The following TSPAN4 variants were observed in gnomAD, a reference collection of about 807,000 sequenced individuals.
TSPAN4 encodes tetraspanin-4.
TSPAN4 carries 38 observed loss-of-function variants against 31.5 expected under a neutral mutation model. That is an observed-to-expected ratio of 1.21 (90% CI 0.93 to 1.58). TSPAN4 has a LOEUF of 1.58. TSPAN4 is among the 40% of genes most tolerant of loss of function. The pLI is 0.00. For synonymous variants in TSPAN4, 186 were observed against 144.6 expected (o/e 1.29, Z -2.06); for missense variants, 330 against 317.3 (o/e 1.04, Z -0.30).
chr11:857,361 G>A (rs114696310), intron 3 of TSPAN4: 2,095 of 149,866 alleles, frequency 0.014, 35 homozygotes, highest in African/African-American at 0.042. Context: ...AGAGGTCTGC[G>A]TCCTTGGAAG....
intron 1 of TSPAN4, among the ~76,000 whole-genome samples, chr11:846,529 G>A (rs1216266048): frequency 6.6e-6 from 1 of 152,324 alleles, no homozygotes; most frequent in Admixed American, 6.5e-5. Flanking sequence ...AGCCAGCAGG[G>A]CAGGGAGTAG....
In TSPAN4 at chr11:853,494, C is replaced by T. The variant is rs528922809; in HGVS notation, c.63+3127C>T. 2.6e-5 allele frequency among the ~76,000 whole-genome samples: 4 copies of T among 152,180 alleles called. No homozygotes were observed. In the South Asian group the frequency reaches 8.3e-4, roughly 32 times the overall value. ...GAAGGCTGATTGACGTATTTCTTTA[C>T]AGCGTTGGTTCGGATTTCCCAGGCA... On this transcript the variant is annotated intron_variant, in intron 3 of 8. Transcript: ENST00000397397.
intron 4 of TSPAN4, 53 bp from the exon 5 acceptor site, chr11:864,384 G>A: frequency 6.2e-7 from 1 of 1,602,860 alleles, no homozygotes; most frequent in Non-Finnish European, 8.5e-7. Flanking sequence ...CATGCTGTGG[G>A]GCGGAGGCTG....
intron 3 of TSPAN4, among the ~76,000 whole-genome samples, chr11:862,101 TG>T (rs1160952873): frequency 6.6e-6 from 1 of 152,164 alleles, no homozygotes; most frequent in East Asian, 1.9e-4. Flanking sequence ...AGGGCAGGGC[TG>T]GGTCTCCCTG....
rs142273247 is a variant in TSPAN4 at position 862,714 on chromosome 11, C to A, written c.228C>A (p.Ile76=). 81 of 1,612,438 alleles carry A rather than the reference C, an allele frequency of 5.0e-5. No homozygotes were observed. In the African/African-American group the frequency reaches 8.4e-4, roughly 17 times the overall value. The part of the protein sequence containing the change: ...AIGFVGCLGA[I]KENKCLLLTF... ...GCTTCGTGGGCTGCCTGGGTGCCAT[C>A]AAGGAGAACAAGTGCCTCCTGCTCA... The change falls in exon 4 of 9, where the codon ATC becomes ATA. Residue 76 remains isoleucine, a synonymous_variant. Coordinates refer to ENST00000397397, the MANE Select transcript of TSPAN4 (RefSeq NM_003271.5).
chr11:865,242 T>A, intron 5 of TSPAN4: 1 of 485,642 alleles, frequency 2.1e-6, no homozygotes, highest in Non-Finnish European at 3.7e-6. Flanking sequence ...CGTGTCCCGA[T>A]ACGTGGAGGC....
chr11:864,611 T>C (rs972207857), intron 5 of TSPAN4, 100 bp downstream of exon 5: 7 of 1,499,742 alleles, frequency 4.7e-6, no homozygotes, highest in Non-Finnish European at 6.4e-6. Context: ...TGGCCCTGCA[T>C]GTGCCCTCAC....
At chr11:852,117 C>T (rs547077147) in intron 3 of TSPAN4, among the ~76,000 whole-genome samples, 1 of 152,236 alleles carries the variant, frequency 6.6e-6, no homozygotes, top group African/African-American at 2.4e-5. Context: ...CTGGAAAATG[C>T]AATTCTCTCT....
Position 865,591 on chromosome 11 carries a change from G to GCCTGGAGCATCATCCAGA in TSPAN4, c.412_429dup (p.Trp138_Thr143dup). The GCCTGGAGCATCATCCAGA allele has an allele frequency of 6.2e-7, 1 of 1,612,918 alleles. No homozygotes were observed. Among genetic ancestry groups the GCCTGGAGCATCATCCAGA allele is most frequent in the Non-Finnish European group, 8.5e-7 (1 of 1,179,904 alleles). On this transcript the variant is annotated inframe_insertion, in exon 6 of 9. Coordinates refer to ENST00000397397, the MANE Select transcript of TSPAN4 (RefSeq NM_003271.5). ...GCAGGGCAACGTGGGCCTCACCAAC[G>GCCTGGAGCATCATCCAGA]CCTGGAGCATCATCCAGACCGACGT...
At position 865,780 on chromosome 11, in the gene TSPAN4, C is replaced by T. The variant is rs760821158; in HGVS notation, c.519C>T (p.Phe173=). 1 of 1,612,706 alleles carries T rather than the reference C, an allele frequency of 6.2e-7. No homozygotes were observed. The highest frequency in any genetic ancestry group is 8.5e-7 in the Non-Finnish European group (1 of 1,179,728). The stretch of plus-strand genomic sequence containing the variant: ...TACCTGACTCCTGCTGCTTGGAGTT[C>T]AGTGAGAGCTGTGGGCTGCACGCCC... The part of the protein sequence containing the change: ...TRVPDSCCLE[F]SESCGLHAPG... The change falls in exon 7 of 9, where the codon TTC becomes TTT. Residue 173 remains phenylalanine, a synonymous_variant. Transcript: ENST00000397397.
chr11:845,981 G>A (rs1847300934), intron 1 of TSPAN4, among the ~76,000 whole-genome samples: 1 of 152,212 alleles, frequency 6.6e-6, no homozygotes. Context: ...CAGGGTGAGG[G>A]CTTGGGACGG....
intron 5 of TSPAN4, 60 bp from the exon 6 acceptor site, chr11:865,453 C>T: frequency 7.0e-7 from 1 of 1,420,844 alleles, no homozygotes; most frequent in Non-Finnish European, 9.8e-7. Context: ...GCGAGGGGGT[C>T]TGGATGAGGG....
At chr11:850,078 CG>C in intron 2 of TSPAN4, 1 of 405,586 alleles carries the variant, frequency 2.5e-6, no homozygotes, top group Non-Finnish European at 4.4e-6. Flanking sequence ...AGCCCCTCTC[CG>C]GAGGGCAAGG....
At chr11:865,417 G>A (rs772340983) in intron 5 of TSPAN4, 96 bp from the exon 6 acceptor site, 14 of 953,390 alleles carry the variant, frequency 1.5e-5, no homozygotes, top group South Asian at 9.1e-5. Flanking sequence ...AAGACCAGGC[G>A]CAGGAGGGGC....
In TSPAN4 at chr11:845,916, C is replaced by T. The variant is rs148594431; in HGVS notation, c.-117-1285C>T. On this transcript the variant is annotated intron_variant, in intron 1 of 8. Transcript: ENST00000397397. ...TCCCACCCAGACTCTGTATGTAGCCCCCAGTCCCTGCTCCTCTGTGTGCAT... is the reference window on the plus strand; with the variant it reads ...TCCCACCCAGACTCTGTATGTAGCCTCCAGTCCCTGCTCCTCTGTGTGCAT... 3.4e-3 allele frequency among the ~76,000 whole-genome samples: 518 copies of T among 152,270 alleles called. 1 individual carries two copies. Among genetic ancestry groups the T allele is most frequent in the Non-Finnish European group, 6.2e-3 (424 of 68,002 alleles).
intron 3 of TSPAN4, among the ~76,000 whole-genome samples, chr11:860,009 G>C (rs774637941): frequency 6.6e-6 from 1 of 152,206 alleles, no homozygotes; most frequent in African/African-American, 2.4e-5. Context: ...CTGGCCTGCT[G>C]GGGAGGGGCT....
At chr11:860,389 C>T (rs1848391005) in intron 3 of TSPAN4, among the ~76,000 whole-genome samples, 1 of 152,236 alleles carries the variant, frequency 6.6e-6, no homozygotes, top group African/African-American at 2.4e-5. Flanking sequence ...GCCTGCCAGC[C>T]AGCCAGTAAA....
chr11:845,992 GCA>G (rs1847302111), intron 1 of TSPAN4, among the ~76,000 whole-genome samples: 3 of 152,198 alleles, frequency 2.0e-5, no homozygotes, highest in African/African-American at 7.2e-5. Flanking sequence ...CTTGGGACGG[GCA>G]CTGGGGCCCC....
intron 1 of TSPAN4, among the ~76,000 whole-genome samples, chr11:845,885 GC>G (rs1443711587): frequency 6.6e-6 from 1 of 152,084 alleles, no homozygotes; most frequent in African/African-American, 2.4e-5. Flanking sequence ...GGTGGGAGGG[GC>G]CTGGTCCCAC....
Sources: gnomAD v4.1 joint callset for allele counts (sites outside exome capture counted in the v4.1 genomes callset) on GRCh38, gnomAD v4.1.1 for gene constraint, MANE v1.5 for transcripts, NCBI Gene and HGNC (gene_info 2026-07-23, HGNC 2026-07-21) for gene names.